The following JAK1 variants were observed in gnomAD, a reference collection of about 807,000 sequenced individuals.
The protein encoded by JAK1 is tyrosine-protein kinase JAK1.
Under a neutral mutation model 136.6 loss-of-function variants are expected in JAK1, and 16 were observed. The observed-to-expected ratio is 0.12, with a 90% CI of 0.08 to 0.18. The LOEUF (loss-of-function observed/expected upper bound fraction) is 0.18. Ranked by LOEUF, JAK1 falls within the 10% of genes least tolerant of loss-of-function variation. The pLI, the probability that JAK1 is intolerant of heterozygous loss-of-function variation, is 1.00. For synonymous variants in JAK1, 492 were observed against 519.5 expected (o/e 0.95, Z 0.72); for missense variants, 859 against 1,450.1 (o/e 0.59, Z 6.62).
At chr1:65,000,218 A>T (rs555818362) in intron 2 of JAK1, among the ~76,000 whole-genome samples, 2 of 152,152 alleles carry the variant, frequency 1.3e-5, no homozygotes, top group South Asian at 4.2e-4. Flanking sequence ...TGATCTTCTG[A>T]CCTCATGATC....
intron 1 of JAK1, among the ~76,000 whole-genome samples, chr1:64,901,178 T>C (rs56332991): frequency 1.6e-3 from 250 of 152,312 alleles, no homozygotes; most frequent in African/African-American, 5.9e-3. Context: ...TAAATGTCTG[T>C]GTAAGAAGCA....
At chr1:64,839,414 C>A in intron 20 of JAK1, 189 bp downstream of exon 20, 1 of 442,574 alleles carries the variant, frequency 2.3e-6, no homozygotes, top group South Asian at 3.6e-5. Context: ...GCCTGGGTGG[C>A]CTCCTCAGGA....
At chr1:65,042,116 A>C (rs1031125652) in intron 2 of JAK1, among the ~76,000 whole-genome samples, 1 of 152,066 alleles carries the variant, frequency 6.6e-6, no homozygotes, top group African/African-American at 2.4e-5. Flanking sequence ...AACAGAAAAC[A>C]CTATAAGAAT....
chr1:64,997,973 G>A (rs1203976939), intron 2 of JAK1, among the ~76,000 whole-genome samples: 1 of 152,166 alleles, frequency 6.6e-6, no homozygotes, highest in Non-Finnish European at 1.5e-5. Flanking sequence ...AGAAACAAAT[G>A]ACTATACAAA....
intron 2 of JAK1, among the ~76,000 whole-genome samples, chr1:64,884,106 G>T (rs1159150688): frequency 6.6e-6 from 1 of 152,168 alleles, no homozygotes; most frequent in Non-Finnish European, 1.5e-5. Flanking sequence ...TACCACCCCA[G>T]GAGGAGCGGC....
intron 2 of JAK1, among the ~76,000 whole-genome samples, chr1:65,038,064 C>G (rs950773890): frequency 6.6e-6 from 1 of 152,164 alleles, no homozygotes; most frequent in African/African-American, 2.4e-5. Flanking sequence ...TCAAGTCTAT[C>G]CCTTCTTACG....
chr1:64,865,723 A>C (rs1656657513), intron 7 of JAK1, among the ~76,000 whole-genome samples: 1 of 152,212 alleles, frequency 6.6e-6, no homozygotes, highest in Admixed American at 6.5e-5. Flanking sequence ...TTTTAGCATG[A>C]GAATAAAACA....
intron 2 of JAK1, 45 bp from the exon 3 acceptor site, chr1:64,883,520 A>T (rs1418429060): frequency 1.0e-5 from 16 of 1,538,358 alleles, no homozygotes; most frequent in African/African-American, 1.4e-5. Flanking sequence ...TCTATGTGCT[A>T]AAAGTTCTTA....
chr1:65,006,985 A>G (rs1646808932), intron 2 of JAK1, among the ~76,000 whole-genome samples: 1 of 152,204 alleles, frequency 6.6e-6, no homozygotes, highest in South Asian at 2.1e-4. Context: ...TCAGATAATC[A>G]TGATTTTGAA....
At chr1:64,860,542 C>T (rs1183744818) in intron 8 of JAK1, among the ~76,000 whole-genome samples, 2 of 150,676 alleles carry the variant, frequency 1.3e-5, no homozygotes, top group Admixed American at 6.6e-5. Context: ...CAACCTCCGC[C>T]TCCTGGGTCC....
At chr1:64,899,681 A>T (rs1010648192) in intron 1 of JAK1, among the ~76,000 whole-genome samples, 2 of 152,202 alleles carry the variant, frequency 1.3e-5, no homozygotes, top group African/African-American at 4.8e-5. Context: ...TAGTGCTAAT[A>T]TTATAAAATC....
intron 1 of JAK1, among the ~76,000 whole-genome samples, chr1:64,933,332 C>T (rs1218238698): frequency 2.0e-5 from 3 of 152,218 alleles, no homozygotes; most frequent in African/African-American, 7.2e-5. Flanking sequence ...ATCCAGACAT[C>T]AGATGTGACC....
chr1:64,906,586 C>T (rs531427542), intron 1 of JAK1, among the ~76,000 whole-genome samples: 2 of 152,198 alleles, frequency 1.3e-5, no homozygotes, highest in Non-Finnish European at 2.9e-5. Flanking sequence ...CCATATCCCA[C>T]GATTTCTCGC....
At chr1:64,974,538 T>C (rs1345884151) in intron 2 of JAK1, 1 of 152,266 alleles carries the variant, frequency 6.6e-6, no homozygotes, top group Non-Finnish European at 1.5e-5. Flanking sequence ...CACATGGATC[T>C]GCCTTTAACT....
chr1:64,890,864 A>G (rs1644924881), intron 1 of JAK1, among the ~76,000 whole-genome samples: 1 of 152,238 alleles, frequency 6.6e-6, no homozygotes. Context: ...AGCAGTTAAG[A>G]GCACGGGCTG....
intron 1 of JAK1, among the ~76,000 whole-genome samples, chr1:65,046,247 G>T (rs1399326000): frequency 6.6e-6 from 1 of 152,168 alleles, no homozygotes; most frequent in Non-Finnish European, 1.5e-5. Flanking sequence ...AGACTTGGGG[G>T]ATATGAATGA....
At chr1:64,853,629 G>A (rs1655738680) in intron 11 of JAK1, among the ~76,000 whole-genome samples, 1 of 152,142 alleles carries the variant, frequency 6.6e-6, no homozygotes, top group Admixed American at 6.5e-5. Flanking sequence ...ATGGCCTTGA[G>A]CAAGTCACTT....
rs528645 is a variant in JAK1 at position 65,047,839 on chromosome 1, T to G, written c.-180-3257A>C. Among the ~76,000 whole-genome samples, 23 of 152,056 alleles carry G rather than the reference T, an allele frequency of 1.5e-4. 1 individual carries two copies. Among genetic ancestry groups the G allele is most frequent in the Admixed American group, 3.3e-4 (5 of 15,286 alleles). On this transcript the variant is annotated intron_variant, in intron 1 of 25. Transcript: ENST00000671954. ...TGGACGTACTGTGTGCAAGTGTTAA[T>G]GCTATGAACAAATAAGGCAGAAAAA...
intron 1 of JAK1, among the ~76,000 whole-genome samples, chr1:64,911,413 T>C (rs1251727000): frequency 1.3e-5 from 2 of 152,206 alleles, no homozygotes; most frequent in African/African-American, 2.4e-5. Flanking sequence ...ACTCTCTGTG[T>C]TCATCACAGC....
Sources: gnomAD v4.1 joint callset for allele counts (sites outside exome capture counted in the v4.1 genomes callset) on GRCh38, gnomAD v4.1.1 for gene constraint, MANE v1.5 for transcripts, NCBI Gene and HGNC (gene_info 2026-07-23, HGNC 2026-07-21) for gene names.